LRRC9: variants seen among roughly 807,000 people sequenced by gnomAD.
The protein encoded by LRRC9 is leucine-rich repeat-containing protein 9.
Under a neutral mutation model 63.2 loss-of-function variants are expected in LRRC9, and 122 were observed. The observed-to-expected ratio is 1.93, with a 90% CI of 1.67 to 2.24. The LOEUF (loss-of-function observed/expected upper bound fraction) is 2.24, where lower values mean the gene tolerates loss of function less well. Ranked by LOEUF, LRRC9 falls within the 30% of genes most tolerant of loss-of-function variation. The pLI is 0.00. For synonymous variants in LRRC9, 366 were observed against 213.1 expected (o/e 1.72, Z -6.25); for missense variants, 1,071 against 627.7 (o/e 1.71, Z -7.55).
In LRRC9 at chr14:59,919,722, C is replaced by T. The variant is rs1175618584; in HGVS notation, c.-195C>T. On this transcript the variant is annotated 5_prime_UTR_variant, in exon 1 of 32. Transcript: ENST00000445360. The surrounding 1 kb of genome is among the most constrained non-coding windows in gnomAD (Gnocchi z 4.5). ...CACGCCACCTTGTGACATCACAGGG[C>T]CATGCCCTCGGGGCTCAAGGCCAGA... The T allele has an allele frequency of 6.6e-6, 1 of 152,268 alleles. No individual in the cohort carries two copies. Among genetic ancestry groups the T allele is most frequent in the East Asian group, 1.9e-4 (1 of 5,182 alleles). 9.4% of individuals were successfully genotyped at this position (152,268 alleles called of 1,614,324 possible). A position where few individuals can be genotyped will look rare whatever the true frequency, so the allele number is the denominator to read the frequency against.
Position 60,053,216 on chromosome 14 carries a change from T to C in LRRC9, c.4131+11T>C, listed in dbSNP as rs957996054. Reference sequence around the variant, plus strand: ...GCAAAGAAAAACTCGGTAATAATTATATTATTTACAATTTTCCTTTTGAAG... The same window carrying C: ...GCAAAGAAAAACTCGGTAATAATTACATTATTTACAATTTTCCTTTTGAAG... On this transcript the variant is annotated intron_variant, in intron 30 of 31. Transcript: ENST00000445360. The surrounding 1 kb of genome is among the most constrained non-coding windows in gnomAD (Gnocchi z 4.8). 2 of 691,254 alleles carry C rather than the reference T, an allele frequency of 2.9e-6. No homozygotes were observed. Among genetic ancestry groups the C allele is most frequent in the East Asian group, 2.7e-5 (1 of 37,132 alleles). 42.8% of individuals were successfully genotyped at this position (691,254 alleles called of 1,614,324 possible).
intron 29 of LRRC9, among the ~76,000 whole-genome samples, chr14:60,040,767 T>G (rs999028101): frequency 4.6e-5 from 7 of 151,930 alleles, no homozygotes; most frequent in African/African-American, 4.9e-5. Flanking sequence ...ATATTTAAGG[T>G]TAATATTGTT....
intron 16 of LRRC9, among the ~76,000 whole-genome samples, chr14:59,983,590 A>G (rs1887164507): frequency 6.6e-6 from 1 of 152,160 alleles, no homozygotes; most frequent in Non-Finnish European, 1.5e-5. Flanking sequence ...AAATATTCTT[A>G]CTGTAGAAAC....
chr14:59,944,263 T>A (rs1206171012), intron 7 of LRRC9, among the ~76,000 whole-genome samples: 1 of 151,990 alleles, frequency 6.6e-6, no homozygotes, highest in Admixed American at 6.5e-5. Flanking sequence ...ATATGTTTGC[T>A]CTAATTGTAC....
chr14:60,002,172 G>A (rs1181254396), intron 20 of LRRC9, 72 bp downstream of exon 20: 1 of 567,276 alleles, frequency 1.8e-6, no homozygotes, highest in Non-Finnish European at 3.1e-6. Context: ...GTTGGTCTGT[G>A]TATCATAAAG....
chr14:60,029,451 G>A (rs918842929), intron 28 of LRRC9, among the ~76,000 whole-genome samples: 2 of 152,016 alleles, frequency 1.3e-5, no homozygotes, highest in African/African-American at 4.8e-5. Flanking sequence ...CATTTTATAG[G>A]GATCCATGCC....
In LRRC9 at chr14:60,027,278, A is replaced by G. The variant is rs1171675404; in HGVS notation, c.3704-606A>G. Among the ~76,000 whole-genome samples the G allele has an allele frequency of 6.6e-6, 1 of 152,010 alleles. No homozygotes were observed. The highest frequency in any genetic ancestry group is 1.9e-4 in the East Asian group (1 of 5,188). ...CTGTACATATAAAAGCATTTTGTAA[A>G]TTGGAGAGTCTTCATATAAGTTATC... On this transcript the variant is annotated intron_variant, in intron 27 of 31. Coordinates refer to ENST00000445360, the Ensembl canonical transcript of LRRC9. This position sits in a 1 kb window ranked among gnomAD's most constrained non-coding sequence, Gnocchi z 4.0.
chr14:59,931,757 A>AT (rs1035042576), intron 5 of LRRC9, 75 bp downstream of exon 5: 11 of 627,796 alleles, frequency 1.8e-5, no homozygotes, highest in Non-Finnish European at 2.8e-5. Context: ...ACATGCTTAG[A>AT]TTTTTTTTCT....
At position 59,993,066 on chromosome 14, in the gene LRRC9, G is replaced by A. The variant is rs146064063; in HGVS notation, c.2212-4590G>A. 1.1e-4 allele frequency among the ~76,000 whole-genome samples: 16 copies of A among 152,246 alleles called. 1 individual carries two copies. Among genetic ancestry groups the A allele is most frequent in the African/African-American group, 3.6e-4 (15 of 41,536 alleles). On this transcript the variant is annotated intron_variant, in intron 17 of 31. Coordinates refer to ENST00000445360, the Ensembl canonical transcript of LRRC9. ...TAAGGGCAGCCAGAGAGAAAGGTCG[G>A]GTTACCCACAAAGGGAAAGTCCATC...
chr14:59,958,091 A>C lies in LRRC9; in HGVS notation c.883-1727A>C, dbSNP rs932821900. ...CCCTGTTGGGGTATGTCTCCCAGTC[A>C]GGAGGCACGGGGGTCAGGAACCCAC... On this transcript the variant is annotated intron_variant, in intron 8 of 31. Transcript: ENST00000445360. This position sits in a 1 kb window ranked among gnomAD's most constrained non-coding sequence, Gnocchi z 4.0. Among the ~76,000 whole-genome samples the C allele has an allele frequency of 2.8e-4, 43 of 152,218 alleles. No individual in the cohort carries two copies. The highest frequency in any genetic ancestry group is 1.0e-3 in the African/African-American group (43 of 41,472).
At chr14:59,957,540 CA>C (rs1332262088) in intron 8 of LRRC9, among the ~76,000 whole-genome samples, 1 of 152,082 alleles carries the variant, frequency 6.6e-6, no homozygotes, top group Non-Finnish European at 1.5e-5. Context: ...AACCTTTTAT[CA>C]ATGTTCTTAG....
Position 59,938,435 on chromosome 14 carries a change from C to G in LRRC9, c.589C>G (p.Leu197Val), listed in dbSNP as rs950643152. The G allele has an allele frequency of 2.9e-6, 2 of 696,290 alleles. No individual in the cohort carries two copies. Among genetic ancestry groups the G allele is most frequent in the Non-Finnish European group, 5.2e-6 (2 of 382,090 alleles). The allele number at this position is 696,290 out of a possible 1,614,324, so 43.1% of individuals were successfully genotyped here. ...GCTGCCTTGCTTAAAGGATTTATGT[C>G]TGAATGACCCTCAATATACAACCAA... Residue 197 changes from leucine (L) to valine (V), a missense_variant, in exon 7 of 32, where the codon CTG becomes GTG. Physicochemically the swap from Leu to Val is conservative, Grantham distance 32 (BLOSUM62 1). Transcript: ENST00000445360. The surrounding 1 kb of genome is among the most constrained non-coding windows in gnomAD (Gnocchi z 4.2).
chr14:60,047,659 A>G (rs537991706), intron 29 of LRRC9, among the ~76,000 whole-genome samples: 1 of 152,288 alleles, frequency 6.6e-6, no homozygotes, highest in East Asian at 1.9e-4. Context: ...GTTCTTAGAG[A>G]CCTATAAAGA....
intron 30 of LRRC9, among the ~76,000 whole-genome samples, chr14:60,056,265 G>T (rs901082988): frequency 1.3e-5 from 2 of 152,178 alleles, no homozygotes; most frequent in African/African-American, 4.8e-5. Context: ...GAGAGCTCCA[G>T]TGAAAGACCT....
intron 29 of LRRC9, among the ~76,000 whole-genome samples, chr14:60,044,049 G>A (rs558404108): frequency 6.6e-6 from 1 of 151,616 alleles, no homozygotes; most frequent in South Asian, 2.1e-4. Context: ...GTATGCATTC[G>A]AGAAGACATT....
Position 59,942,290 on chromosome 14 carries a change from T to C in LRRC9, c.727-2299T>C, listed in dbSNP as rs1881860492. ...TCTAAATCTTAGCTATTGTGAATAG[T>C]GCTGCAGTAAACGTGGGGGTGCAGG... On this transcript the variant is annotated intron_variant, in intron 7 of 31. Coordinates refer to ENST00000445360, the Ensembl canonical transcript of LRRC9. The surrounding 1 kb of genome is among the most constrained non-coding windows in gnomAD (Gnocchi z 5.3). Among the ~76,000 whole-genome samples, 1 of 152,176 alleles carries C rather than the reference T, an allele frequency of 6.6e-6. No individual in the cohort carries two copies. Among genetic ancestry groups the C allele is most frequent in the Admixed American group, 6.5e-5 (1 of 15,268 alleles).
chr14:60,054,787 A>G (rs1894152371), intron 30 of LRRC9, among the ~76,000 whole-genome samples: 1 of 151,512 alleles, frequency 6.6e-6, no homozygotes, highest in African/African-American at 2.4e-5. Flanking sequence ...TTTTAGACGA[A>G]GTCTTGCTCT....
intron 17 of LRRC9, among the ~76,000 whole-genome samples, chr14:59,991,450 G>A (rs1888085908): frequency 6.6e-6 from 1 of 152,078 alleles, no homozygotes; most frequent in African/African-American, 2.4e-5. Flanking sequence ...ATCTCACTGG[G>A]GAGTGTCGGA....
At chr14:60,065,994 T>A (rs530933401), downstream of LRRC9, among the ~76,000 whole-genome samples, 7 of 152,194 alleles carry the variant, frequency 4.6e-5, no homozygotes, top group South Asian at 6.2e-4. Context: ...TTTAAAAAAA[T>A]TTTTGTAGAG....
Sources: gnomAD v4.1 joint callset for allele counts (sites outside exome capture counted in the v4.1 genomes callset) on GRCh38, gnomAD v4.1.1 for gene constraint, Gnocchi (gnomAD v3.1) non-coding constraint, MANE v1.5 for transcripts, NCBI Gene and HGNC (gene_info 2026-07-23, HGNC 2026-07-21) for gene names.